The following PCDHA5 variants were observed in gnomAD, a reference collection of about 807,000 sequenced individuals.
PCDHA5 encodes the protein protocadherin alpha-5.
A neutral mutation model predicts 61.6 loss-of-function variants in PCDHA5; 43 were observed. The ratio of observed to expected loss-of-function variants is 0.70; its 90% CI spans 0.55 to 0.90. The LOEUF (loss-of-function observed/expected upper bound fraction) is 0.90, where lower values mean the gene tolerates loss of function less well. Ranked by LOEUF, PCDHA5 falls within the 40% of genes least tolerant of loss-of-function variation. The pLI is 0.00. For missense variants in PCDHA5, 1,298 were observed against 1,222.7 expected (o/e 1.06, Z -0.92); for synonymous variants, 627 against 543.9 (o/e 1.15, Z -2.13).
chr5:141,007,551 GA>G (rs1554261384), intron 3 of PCDHA5, among the ~76,000 whole-genome samples: 1 of 152,140 alleles, frequency 6.6e-6, no homozygotes, highest in African/African-American at 2.4e-5. Flanking sequence ...TTGGGCAACA[GA>G]GCAAGGCTCT....
rs17844298 is a variant in PCDHA5 at position 140,823,840 on chromosome 5, G to A, written c.2065G>A (p.Glu689Lys). The A allele has an allele frequency of 3.1e-6, 5 of 1,613,722 alleles. No individual in the cohort carries two copies. Among genetic ancestry groups the A allele is most frequent in the South Asian group, 2.2e-5 (2 of 91,092 alleles). ...GGCGTCGGCGGGCGCTGTGGGTCCC[G>A]AGGCTGCCCTGGTGGATGTCAACGT... ...SRASAGAVGP[E>K]AALVDVNVYL... Residue 689 changes from glutamate (E) to lysine (K), a missense_variant, in exon 1 of 4, where the codon GAG becomes AAG. Glu to Lys is a moderately conservative substitution (Grantham distance 56). Transcript: ENST00000529859.
intron 1 of PCDHA5, among the ~76,000 whole-genome samples, chr5:140,888,192 A>T (rs906159358): frequency 6.6e-6 from 1 of 152,120 alleles, no homozygotes; most frequent in Non-Finnish European, 1.5e-5. Context: ...TGAATTTTAC[A>T]TTGTCGGATG....
rs577527606 is a variant in PCDHA5 at position 140,882,595 on chromosome 5, C to A, written c.2352+58468C>A. 3.7e-6 allele frequency: 6 copies of A among 1,614,204 alleles called. No individual in the cohort carries two copies. The African/African-American group carries it at 8.0e-5, about 22-fold the overall frequency. On this transcript the variant is annotated intron_variant, in intron 1 of 3. Coordinates refer to ENST00000529859, the MANE Select transcript of PCDHA5 (RefSeq NM_018908.3). ...AGTGCAGCATCCACCTGGAGGTGAT[C>A]GTGGACAGGCCTCTGCAGGTTTTCC...
chr5:140,835,617 G>C (rs2150239590), intron 1 of PCDHA5: 5 of 1,613,774 alleles, frequency 3.1e-6, no homozygotes, highest in Non-Finnish European at 2.5e-6. Context: ...GCTGGACAGC[G>C]CTCTGGACCG....
chr5:140,978,188 C>A (rs1480380395), intron 1 of PCDHA5, among the ~76,000 whole-genome samples: 2 of 152,176 alleles, frequency 1.3e-5, no homozygotes, highest in Non-Finnish European at 2.9e-5. Context: ...GGCAACAGAT[C>A]TTTTCAATAC....
chr5:141,009,003 A>G (rs782499793), intron 3 of PCDHA5, among the ~76,000 whole-genome samples: 16 of 152,220 alleles, frequency 1.1e-4, no homozygotes, highest in Non-Finnish European at 1.5e-4. Flanking sequence ...AAAGGAGCAT[A>G]TTTTGCCTTT....
intron 1 of PCDHA5, chr5:140,842,102 G>C (rs1777709784): frequency 1.9e-6 from 3 of 1,613,894 alleles, no homozygotes; most frequent in East Asian, 4.5e-5. Context: ...CGGAACAACA[G>C]TTATCAAACT....
intron 1 of PCDHA5, chr5:140,869,951 C>G (rs2051525824): frequency 6.2e-7 from 1 of 1,611,984 alleles, no homozygotes. Context: ...TCCTTAATGT[C>G]AATTAAGCCC....
At chr5:140,895,843 C>G (rs574376494) in intron 1 of PCDHA5, among the ~76,000 whole-genome samples, 1 of 152,232 alleles carries the variant, frequency 6.6e-6, no homozygotes, top group East Asian at 1.9e-4. Context: ...CAAAGTCTCA[C>G]TCTTGTACCC....
At chr5:140,864,331 TG>T (rs1554158785) in intron 1 of PCDHA5, 2 of 152,248 alleles carry the variant, frequency 1.3e-5, no homozygotes, top group African/African-American at 4.8e-5. Context: ...CATAATTATT[TG>T]AGTTTAAAAC....
rs1554148991 is a variant in PCDHA5, at chr5:140,856,698, G to A, written c.2352+32571G>A. ...TTGTTGTTGACAGCAACTGATGGAG[G>A]CAAACCTGAATTTACCGGATCTGTT... On this transcript the variant is annotated intron_variant, in intron 1 of 3. Transcript: ENST00000529859. 3.8e-6 allele frequency: 6 copies of A among 1,596,626 alleles called. 1 individual carries two copies. In the African/African-American group the frequency reaches 8.1e-5, roughly 21 times the overall value.
chr5:140,869,962 A>C (rs1554163660), intron 1 of PCDHA5: 4 of 1,612,950 alleles, frequency 2.5e-6, no homozygotes, highest in Middle Eastern at 1.6e-4. Flanking sequence ...AATTAAGCCC[A>C]ATGGAAGACA....
chr5:140,900,543 C>T (rs889758586), intron 1 of PCDHA5, among the ~76,000 whole-genome samples: 2 of 152,210 alleles, frequency 1.3e-5, no homozygotes, highest in African/African-American at 4.8e-5. Context: ...TTCCAAAGTG[C>T]TGGGATTACA....
intron 1 of PCDHA5, among the ~76,000 whole-genome samples, chr5:140,930,626 A>G (rs1554207971): frequency 6.6e-6 from 1 of 152,220 alleles, no homozygotes; most frequent in Non-Finnish European, 1.5e-5. Flanking sequence ...GGAGGTGTGT[A>G]GAAATTAAGG....
At chr5:141,000,052 C>G (rs945182675) in intron 3 of PCDHA5, among the ~76,000 whole-genome samples, 2 of 152,100 alleles carry the variant, frequency 1.3e-5, no homozygotes, top group Admixed American at 1.3e-4. Flanking sequence ...CACCACTCTC[C>G]CAGCTGCTCT....
At chr5:140,967,138 G>A in intron 1 of PCDHA5, 1 of 1,611,568 alleles carries the variant, frequency 6.2e-7, no homozygotes, top group Middle Eastern at 1.7e-4. Flanking sequence ...TGGAAGTGCT[G>A]GCGCACAACC....
intron 1 of PCDHA5, chr5:140,848,788 G>T: frequency 6.3e-7 from 1 of 1,593,178 alleles, no homozygotes; most frequent in Non-Finnish European, 8.6e-7. Flanking sequence ...CTGTGCGGGC[G>T]GAGCGCGGAG....
intron 1 of PCDHA5, among the ~76,000 whole-genome samples, chr5:140,900,528 C>T (rs1261076566): frequency 2.6e-5 from 4 of 152,214 alleles, no homozygotes; most frequent in South Asian, 4.1e-4. Flanking sequence ...CTGCCCACCT[C>T]GGCTTTCCAA....
chr5:140,996,135 C>T (rs2097713564), intron 3 of PCDHA5, among the ~76,000 whole-genome samples: 1 of 152,140 alleles, frequency 6.6e-6, no homozygotes, highest in Non-Finnish European at 1.5e-5. Flanking sequence ...AGAGGGTTCT[C>T]CCATTATCTT....
Sources: gnomAD v4.1 joint callset for allele counts (sites outside exome capture counted in the v4.1 genomes callset) on GRCh38, gnomAD v4.1.1 for gene constraint, MANE v1.5 for transcripts, NCBI Gene and HGNC (gene_info 2026-07-23, HGNC 2026-07-21) for gene names.